CNTN6: variants seen among roughly 807,000 people sequenced by gnomAD.
The protein encoded by CNTN6 is contactin-6.
In CNTN6, 137 loss-of-function variants were observed where a neutral mutation model predicts 122.8. The observed-to-expected ratio is 1.12, with a 90% CI of 0.97 to 1.29. CNTN6 has a LOEUF of 1.29. Among genes scored for constraint, CNTN6 ranks in the 50% most tolerant of loss-of-function variants. The pLI, the probability that CNTN6 is intolerant of heterozygous loss-of-function variation, is 0.00. For missense variants in CNTN6, 1,634 were observed against 1,223.4 expected (o/e 1.34, Z -5.01); for synonymous variants, 570 against 426.0 (o/e 1.34, Z -4.16).
At chr3:1,181,307 G>C (rs1210128032) in intron 2 of CNTN6, among the ~76,000 whole-genome samples, 1 of 152,080 alleles carries the variant, frequency 6.6e-6, no homozygotes, top group Non-Finnish European at 1.5e-5. Context: ...TCCCATGAAG[G>C]GGGAAAAATC....
At chr3:1,375,312 A>G (rs1378757961) in intron 16 of CNTN6, among the ~76,000 whole-genome samples, 1 of 152,040 alleles carries the variant, frequency 6.6e-6, no homozygotes, top group Non-Finnish European at 1.5e-5. Context: ...CTAACCATTA[A>G]TACTCTCTTG....
intron 4 of CNTN6, among the ~76,000 whole-genome samples, chr3:1,229,608 A>G (rs2094328543): frequency 6.6e-6 from 1 of 152,168 alleles, no homozygotes; most frequent in South Asian, 2.1e-4. Context: ...AAAATGTCCT[A>G]CATTATTATA....
At chr3:1,245,262 T>TATATATAAC (rs1559596511) in intron 4 of CNTN6, among the ~76,000 whole-genome samples, 74 of 5,732 alleles carry the variant, frequency 0.013, 12 homozygotes, top group Non-Finnish European at 0.017. Context: ...ATATAACATA[T>TATATATAAC]ATATATATAT....
intron 12 of CNTN6, among the ~76,000 whole-genome samples, chr3:1,366,695 T>C (rs1043687217): frequency 3.5e-4 from 54 of 152,146 alleles, no homozygotes; most frequent in African/African-American, 1.3e-3. Flanking sequence ...CACATGGCTG[T>C]AGAATGAACT....
At chr3:1,156,421 A>T (rs1237492149) in intron 2 of CNTN6, among the ~76,000 whole-genome samples, 2 of 152,298 alleles carry the variant, frequency 1.3e-5, no homozygotes, top group South Asian at 2.1e-4. Context: ...ACACTTGTTG[A>T]ATTTGTAACT....
intron 7 of CNTN6, among the ~76,000 whole-genome samples, chr3:1,312,131 C>T (rs549492423): frequency 2.0e-5 from 3 of 152,124 alleles, no homozygotes; most frequent in Admixed American, 6.6e-5. Context: ...GGGCCACTGT[C>T]AAAGACCAGG....
chr3:1,267,446 T>G (rs1053274798), intron 4 of CNTN6, among the ~76,000 whole-genome samples: 15 of 152,202 alleles, frequency 9.9e-5, no homozygotes, highest in African/African-American at 3.6e-4. Context: ...CAACTCATTT[T>G]GTTTATAAAG....
intron 2 of CNTN6, among the ~76,000 whole-genome samples, chr3:1,219,821 G>A (rs1229306086): frequency 1.3e-5 from 2 of 151,916 alleles, no homozygotes; most frequent in Non-Finnish European, 2.9e-5. Context: ...TTTAAGACAA[G>A]CCTGGCAACA....
chr3:1,225,442 T>C (rs569759539), intron 3 of CNTN6, among the ~76,000 whole-genome samples: 17 of 152,326 alleles, frequency 1.1e-4, no homozygotes, highest in African/African-American at 3.8e-4. Context: ...AGCCAACAAC[T>C]TTGAATTTGT....
chr3:1,093,740 A>C (rs1289247896), intron 1 of CNTN6, among the ~76,000 whole-genome samples: 1 of 152,086 alleles, frequency 6.6e-6, no homozygotes, highest in South Asian at 2.1e-4. Context: ...TACCATTTAC[A>C]CCAGTTAAGT....
At chr3:1,170,281 C>T (rs892298132) in intron 2 of CNTN6, among the ~76,000 whole-genome samples, 31 of 144,542 alleles carry the variant, frequency 2.1e-4, no homozygotes, top group Non-Finnish European at 3.2e-4. Context: ...TTTTAATATG[C>T]TTACTCACAC....
chr3:1,308,152 A>G (rs1424683861), intron 7 of CNTN6, among the ~76,000 whole-genome samples: 1 of 152,074 alleles, frequency 6.6e-6, no homozygotes, highest in Non-Finnish European at 1.5e-5. Context: ...ACATATAATT[A>G]TTTTAGACTT....
chr3:1,367,042 A>T (rs1408218730), intron 12 of CNTN6, among the ~76,000 whole-genome samples: 1 of 152,170 alleles, frequency 6.6e-6, no homozygotes, highest in African/African-American at 2.4e-5. Context: ...ATTGATGAAT[A>T]GTAATTTTGT....
chr3:1,308,544 T>C (rs1373082638), intron 7 of CNTN6, among the ~76,000 whole-genome samples: 5 of 152,064 alleles, frequency 3.3e-5, no homozygotes, highest in Non-Finnish European at 7.4e-5. Flanking sequence ...AGTATGTGTG[T>C]CTATACTAAT....
chr3:1,256,281 T>C (rs1377430308), intron 4 of CNTN6, among the ~76,000 whole-genome samples: 1 of 152,188 alleles, frequency 6.6e-6, no homozygotes, highest in East Asian at 1.9e-4. Flanking sequence ...GTCATTAAGA[T>C]GTTAGACGTG....
At chr3:1,397,739 G>C (rs1290936087) in intron 20 of CNTN6, among the ~76,000 whole-genome samples, 5 of 152,226 alleles carry the variant, frequency 3.3e-5, no homozygotes, top group Admixed American at 2.6e-4. Flanking sequence ...TGACTGACTA[G>C]CACTTTGTAC....
At chr3:1,217,085 T>C (rs1370383477) in intron 2 of CNTN6, among the ~76,000 whole-genome samples, 1 of 152,218 alleles carries the variant, frequency 6.6e-6, no homozygotes. Flanking sequence ...AAAACAACCA[T>C]CTGATATACA....
At chr3:1,144,018 T>A (rs2092671332) in intron 1 of CNTN6, among the ~76,000 whole-genome samples, 1 of 152,190 alleles carries the variant, frequency 6.6e-6, no homozygotes. Flanking sequence ...ATCTCTAGAT[T>A]CCCAATGTAG....
At chr3:1,103,042 C>G (rs902533835) in intron 1 of CNTN6, among the ~76,000 whole-genome samples, 58 of 151,612 alleles carry the variant, frequency 3.8e-4, no homozygotes, top group Non-Finnish European at 7.2e-4. Context: ...GGAGGCGGAG[C>G]TTGCAGTGAG....
Sources: allele counts gnomAD v4.1 joint callset (sites outside exome capture counted in the v4.1 genomes callset), GRCh38; gene constraint gnomAD v4.1.1; transcripts MANE v1.5; gene names NCBI Gene and HGNC (gene_info 2026-07-23, HGNC 2026-07-21).